The following CDK7 variants were observed in gnomAD, a reference collection of about 807,000 sequenced individuals.
CDK7 encodes cyclin-dependent kinase 7.
CDK7 carries 25 observed loss-of-function variants against 49.1 expected under a neutral mutation model. That is an observed-to-expected ratio of 0.51 (90% CI 0.37 to 0.71). CDK7 has a LOEUF of 0.71. Among genes scored for constraint, CDK7 ranks in the 30% least tolerant of loss-of-function variants. The probability of loss-of-function intolerance (pLI) is 0.00; values close to 1 mark genes in which losing one functional copy is unlikely to be tolerated. For synonymous variants in CDK7, 107 were observed against 140.0 expected, an observed-to-expected ratio of 0.76 and a Z score of 1.67; for missense variants, 316 against 411.7, an observed-to-expected ratio of 0.77 and a Z score of 2.01.
At chr5:69,274,356 C>T (rs1751885616) in intron 10 of CDK7, among the ~76,000 whole-genome samples, 1 of 152,150 alleles carries the variant, frequency 6.6e-6, no homozygotes, top group South Asian at 2.1e-4. Flanking sequence ...CAGCTGTAGG[C>T]CGGTGCATCG....
Position 69,276,562 on chromosome 5 carries a change from T to C in CDK7, c.884T>C (p.Phe295Ser). Reference sequence around the variant, plus strand: ...TAAAAGGCACTGAAAATGAAGTATTTCAGTAATCGGCCAGGGCCAACACCT... The same window carrying C: ...TAAAAGGCACTGAAAATGAAGTATTCCAGTAATCGGCCAGGGCCAACACCT... ...TATQALKMKY[F>S]SNRPGPTPGC... is the part of the protein sequence containing the mutation. The change falls in exon 11 of 12, where the codon TTC (phenylalanine) becomes TCC (serine). Residue 295 changes from phenylalanine (F) to serine (S), a missense_variant. Coordinates refer to ENST00000256443, the MANE Select transcript of CDK7 (RefSeq NM_001799.4). The C allele has an allele frequency of 6.2e-7, 1 of 1,613,208 alleles. No individual in the cohort carries two copies. Among genetic ancestry groups the C allele is most frequent in the Non-Finnish European group, 8.5e-7 (1 of 1,180,030 alleles).
chr5:69,252,695 G>A (rs915533170), intron 3 of CDK7, among the ~76,000 whole-genome samples: 5 of 151,962 alleles, frequency 3.3e-5, no homozygotes, highest in Admixed American at 3.3e-4. Flanking sequence ...TTTTTGTAGA[G>A]ATGAGGTCTG....
intron 7 of CDK7, 111 bp downstream of exon 7, chr5:69,260,047 C>T (rs1238571198): frequency 1.7e-5 from 12 of 721,262 alleles, no homozygotes; most frequent in Admixed American, 1.3e-4. Context: ...TAGATACCGT[C>T]TTAAAAAATA....
intron 5 of CDK7, chr5:69,256,017 A>C (rs1304630594): frequency 1.3e-5 from 2 of 159,142 alleles, no homozygotes; most frequent in East Asian, 3.7e-4. Flanking sequence ...ACGGGGTGTC[A>C]CCATGTTGGC....
intron 5 of CDK7, chr5:69,255,950 A>C (rs10940208): frequency 0.15 from 25,202 of 168,648 alleles, 2,063 homozygotes; most frequent in African/African-American, 0.21. Context: ...CAGCCTCCCA[A>C]GTAGCTGGGA....
chr5:69,254,501 G>A (rs1410496029), intron 3 of CDK7, 101 bp from the exon 4 acceptor site: 19 of 594,686 alleles, frequency 3.2e-5, no homozygotes, highest in African/African-American at 1.7e-4. Flanking sequence ...TAGCCTGGGC[G>A]ACAGAGCGAG....
At chr5:69,239,090 G>A (rs1261725283) in intron 2 of CDK7, among the ~76,000 whole-genome samples, 1 of 151,858 alleles carries the variant, frequency 6.6e-6, no homozygotes, top group African/African-American at 2.4e-5. Context: ...ATGCAGGTTT[G>A]AGTTTCTCTA....
intron 2 of CDK7, chr5:69,250,667 T>C (rs560389304): frequency 4.4e-6 from 2 of 455,784 alleles, no homozygotes; most frequent in Non-Finnish European, 8.8e-6. Context: ...CCTGGTGCTC[T>C]TCCCCAGGGC....
At chr5:69,235,216 A>G in intron 1 of CDK7, 175 bp downstream of exon 1, 3 of 754,926 alleles carry the variant, frequency 4.0e-6, no homozygotes, top group Non-Finnish European at 6.8e-6. Context: ...TGAATCCCTG[A>G]GGGGCCTCTC....
At chr5:69,265,394 G>A (rs1470553259) in intron 8 of CDK7, among the ~76,000 whole-genome samples, 1 of 149,816 alleles carries the variant, frequency 6.7e-6, no homozygotes, top group African/African-American at 2.5e-5. Context: ...TTCAGAATAC[G>A]AAGGGGTAAG....
Position 69,252,722 on chromosome 5 carries a change from T to G in CDK7, c.160+271T>G, listed in dbSNP as rs7707255. ...TGAGGTCTGGCTGTGTTGCTCAGGC[T>G]TCTCTCAAACTCCTGGCCTCAAGCT... is the stretch of plus-strand genomic sequence containing the variant. On this transcript the variant is annotated intron_variant, in intron 3 of 11. Coordinates refer to ENST00000256443, the MANE Select transcript of CDK7 (RefSeq NM_001799.4). Among the ~76,000 whole-genome samples, 729 of 152,166 alleles carry G rather than the reference T, an allele frequency of 4.8e-3. 10 individuals carry two copies. Among genetic ancestry groups the G allele is most frequent in the African/African-American group, 0.017 (698 of 41,514 alleles).
chr5:69,271,088 A>C, intron 9 of CDK7, among the ~76,000 whole-genome samples: 1 of 152,242 alleles, frequency 6.6e-6, no homozygotes, highest in East Asian at 1.9e-4. Flanking sequence ...TCTCATCAGC[A>C]GTAAATGAAT....
At chr5:69,266,508 A>G (rs1047365690) in intron 8 of CDK7, among the ~76,000 whole-genome samples, 2 of 152,192 alleles carry the variant, frequency 1.3e-5, no homozygotes. Context: ...TAAACCCACA[A>G]GGCAGAGGTT....
At chr5:69,250,689 T>C in intron 2 of CDK7, 3 of 456,414 alleles carry the variant, frequency 6.6e-6, no homozygotes, top group Non-Finnish European at 1.3e-5. Context: ...ACCAAGCTGG[T>C]CCCTAAGCTG....
Position 69,259,903 on chromosome 5 carries a change from C to G in CDK7, c.494C>G (p.Pro165Arg). ...GGCCTGGCCAAATCTTTTGGGAGCC[C>G]CAATAGAGCTTATACACATCAGGTT... ...DFGLAKSFGS[P>R]NRAYTHQVVT... The change falls in exon 7 of 12, where the codon CCC becomes CGC. Residue 165 changes from proline (P) to arginine (R), a missense_variant. Physicochemically the swap from Pro to Arg is moderately radical, Grantham distance 103. Coordinates refer to ENST00000256443, the MANE Select transcript of CDK7 (RefSeq NM_001799.4). The G allele has an allele frequency of 6.2e-7, 1 of 1,613,096 alleles. No homozygotes were observed.
At chr5:69,262,678 AAAAAAG>A (rs1187775358) in intron 8 of CDK7, among the ~76,000 whole-genome samples, 198 of 151,762 alleles carry the variant, frequency 1.3e-3, no homozygotes, top group African/African-American at 1.8e-3. Flanking sequence ...CAAAAAAAAA[AAAAAAG>A]AAAAAGAAAA....
chr5:69,267,292 C>CTTTTTTTTT (rs71612523), intron 8 of CDK7, among the ~76,000 whole-genome samples: 2 of 91,076 alleles, frequency 2.2e-5, no homozygotes, highest in Admixed American at 1.5e-4. Context: ...ATAAGGATTC[C>CTTTTTTTTT]TTTTTTTTTT....
chr5:69,249,440 G>T (rs1448201172), intron 2 of CDK7, among the ~76,000 whole-genome samples: 1 of 152,070 alleles, frequency 6.6e-6, no homozygotes, highest in Non-Finnish European at 1.5e-5. Flanking sequence ...TCTTGGGGGG[G>T]TCTGAGTGGA....
intron 5 of CDK7, among the ~76,000 whole-genome samples, chr5:69,256,958 C>T (rs149522681): frequency 6.6e-6 from 1 of 152,190 alleles, no homozygotes; most frequent in East Asian, 1.9e-4. Flanking sequence ...TCCAAACATC[C>T]CTCATTCTAA....
Sources: gnomAD v4.1 joint callset for allele counts (sites outside exome capture counted in the v4.1 genomes callset) on GRCh38, gnomAD v4.1.1 for gene constraint, MANE v1.5 for transcripts, NCBI Gene and HGNC (gene_info 2026-07-23, HGNC 2026-07-21) for gene names.